Variants in MID1 observed in about 807,000 individuals in gnomAD.
MID1 encodes E3 ubiquitin-protein ligase Midline-1.
A neutral mutation model predicts 40.4 loss-of-function variants in MID1; 7 were observed. That is an observed-to-expected ratio of 0.17 (90% CI 0.10 to 0.33). The LOEUF (loss-of-function observed/expected upper bound fraction) is 0.33, where lower values mean the gene tolerates loss of function less well. MID1 is among the 10% of genes least tolerant of loss of function. The probability of loss-of-function intolerance (pLI) is 1.00; values close to 1 mark genes in which losing one functional copy is unlikely to be tolerated. For missense variants in MID1, 367 were observed against 558.5 expected (o/e 0.66, Z 3.46); for synonymous variants, 229 against 221.2 (o/e 1.04, Z -0.31).
chrX:10,689,431 A>G lies in MID1; in HGVS notation c.-186-69012T>C, dbSNP rs766010494. 4.5e-5 allele frequency among the ~76,000 whole-genome samples: 5 copies of G among 111,412 alleles called. No homozygotes were observed. In the South Asian group the frequency reaches 1.9e-3, roughly 43 times the overall value. ...CAGCACAGGGGAAATCCGCCCCATG[A>G]TCCACCTCACCTCCCATCAGTTCCC... On this transcript the variant is annotated intron_variant, in intron 1 of 10. Coordinates refer to the MID1 transcript ENST00000380785.
chrX:10,680,780 A>T (rs1283756648), intron 1 of MID1, among the ~76,000 whole-genome samples: 2 of 110,672 alleles, frequency 1.8e-5, no homozygotes, highest in Non-Finnish European at 3.8e-5. Context: ...CACGCCTACA[A>T]TCCTAGCACT....
At chrX:10,695,023 T>C (rs141271835) in intron 1 of MID1, among the ~76,000 whole-genome samples, 26 of 112,032 alleles carry the variant, frequency 2.3e-4, no homozygotes, top group African/African-American at 7.8e-4. Context: ...TGCTAAGATA[T>C]AGAGTAGGTA....
At chrX:10,725,692 C>G (rs1336140331) in intron 1 of MID1, among the ~76,000 whole-genome samples, 2 of 111,322 alleles carry the variant, frequency 1.8e-5, no homozygotes, top group Non-Finnish European at 3.8e-5. Context: ...AACCCCGTCT[C>G]TACTGAAAAT....
At position 10,536,589 on chromosome X, in the gene MID1, G is replaced by A. The variant is rs1044523419; in HGVS notation, c.661-13402C>T. Among the ~76,000 whole-genome samples the A allele has an allele frequency of 7.1e-5, 8 of 112,571 alleles. No homozygotes were observed. The Admixed American group carries it at 7.5e-4, about 11-fold the overall frequency. On this transcript the variant is annotated intron_variant, in intron 2 of 9. Coordinates refer to ENST00000317552, the MANE Select transcript of MID1 (RefSeq NM_000381.4). ...GTGAGAGAAAACTGTCCAATACTCAGAAGTGGAAGGAGACTTGCCAGTTAT... is the reference window on the plus strand; with the variant it reads ...GTGAGAGAAAACTGTCCAATACTCAAAAGTGGAAGGAGACTTGCCAGTTAT...
At chrX:10,568,662 C>A (rs909518293) in intron 1 of MID1, among the ~76,000 whole-genome samples, 7 of 110,854 alleles carry the variant, frequency 6.3e-5, no homozygotes, top group Non-Finnish European at 1.3e-4. Context: ...AGCTATGTTG[C>A]TCTCCTCCAG....
rs149356537 is a variant in MID1 at position 10,678,124 on chromosome X, T to A, written c.-186-57705A>T. Among the ~76,000 whole-genome samples, 1,029 of 111,303 alleles carry A rather than the reference T, an allele frequency of 9.2e-3. 6 individuals carry two copies. The highest frequency in any genetic ancestry group is 0.014 in the Non-Finnish European group (720 of 53,120). ...GCACTACTGAACACTAGCTCAATGA[T>A]ACTAATATCTTTGTTATACGCAATT... On this transcript the variant is annotated intron_variant, in intron 1 of 10. Transcript: ENST00000380785.
At chrX:10,545,743 A>C (rs1933655771) in intron 2 of MID1, among the ~76,000 whole-genome samples, 1 of 111,722 alleles carries the variant, frequency 9.0e-6, no homozygotes, top group African/African-American at 3.3e-5. Flanking sequence ...GGAGAAGGAG[A>C]AGGAGCAGGA....
intron 1 of MID1, among the ~76,000 whole-genome samples, chrX:10,710,607 C>A (rs1376602486): frequency 1.8e-5 from 2 of 110,682 alleles, no homozygotes; most frequent in Non-Finnish European, 3.8e-5. Flanking sequence ...AGCCAGGCCA[C>A]TCTTACTTTG....
chrX:10,709,567 T>G (rs1186525884), intron 1 of MID1, among the ~76,000 whole-genome samples: 1 of 112,260 alleles, frequency 8.9e-6, no homozygotes, highest in East Asian at 2.8e-4. Context: ...CTTGAGTGAA[T>G]GCAGCCAGAG....
At chrX:10,458,734 T>G (rs1210714191) in intron 8 of MID1, among the ~76,000 whole-genome samples, 1 of 111,774 alleles carries the variant, frequency 8.9e-6, no homozygotes, top group East Asian at 2.8e-4. Flanking sequence ...TCCTCTAGGA[T>G]CCAACACATT....
intron 1 of MID1, among the ~76,000 whole-genome samples, chrX:10,807,244 CA>C (rs34894470): frequency 0.016 from 1,586 of 98,536 alleles, 10 homozygotes; most frequent in Non-Finnish European, 0.021. Flanking sequence ...GGCTCTGTTT[CA>C]AAAAAAAAAA....
In MID1 at chrX:10,718,236, C is replaced by CA. The variant is rs756850267; in HGVS notation, c.-186-97818dup. On this transcript the variant is annotated intron_variant, in intron 1 of 10. Coordinates refer to the MID1 transcript ENST00000380785. ...AGAAATGGAGACACAAAAAGCCCTT[C>CA]AAAAAATCAATGAAGCCAGGAGCTG... Among the ~76,000 whole-genome samples, 4 of 111,383 alleles carry CA rather than the reference C, an allele frequency of 3.6e-5. No individual in the cohort carries two copies. In the South Asian group the frequency reaches 1.5e-3, roughly 42 times the overall value.
intron 1 of MID1, among the ~76,000 whole-genome samples, chrX:10,569,474 G>A (rs1934663544): frequency 8.9e-6 from 1 of 112,128 alleles, no homozygotes; most frequent in Non-Finnish European, 1.9e-5. Context: ...CAGAAGAAAT[G>A]GAAAGGTTTT....
rs191669486 is a variant in MID1, at chrX:10,645,893, G to A, written c.-186-25474C>T. 4.5e-5 allele frequency among the ~76,000 whole-genome samples: 5 copies of A among 111,563 alleles called. No individual in the cohort carries two copies. The East Asian group carries it at 1.1e-3, about 25-fold the overall frequency. On this transcript the variant is annotated intron_variant, in intron 1 of 10. Transcript: ENST00000380785. ...ATGTACAGGGAGTTGACTTTCATGG[G>A]GCCACCCAAGATGGATGGGCCACAG...
At chrX:10,735,707 T>G (rs1274530638) in intron 1 of MID1, among the ~76,000 whole-genome samples, 1 of 111,521 alleles carries the variant, frequency 9.0e-6, no homozygotes, top group Non-Finnish European at 1.9e-5. Context: ...TTATTTATTT[T>G]GAGACAGGGT....
At chrX:10,689,572 C>T (rs2043119944) in intron 1 of MID1, among the ~76,000 whole-genome samples, 1 of 111,677 alleles carries the variant, frequency 9.0e-6, no homozygotes, top group South Asian at 3.8e-4. Context: ...TCTATACCTA[C>T]ACCAAAACTT....
chrX:10,799,323 GT>G (rs1258146911), intron 1 of MID1, among the ~76,000 whole-genome samples: 1 of 111,716 alleles, frequency 9.0e-6, no homozygotes, highest in East Asian at 2.8e-4. Flanking sequence ...CTCAAAAATT[GT>G]TTTAAAGGAA....
At chrX:10,702,577 T>C (rs566433245) in intron 1 of MID1, among the ~76,000 whole-genome samples, 1 of 112,587 alleles carries the variant, frequency 8.9e-6, no homozygotes, top group Non-Finnish European at 1.9e-5. Flanking sequence ...TATGAGCAAG[T>C]TGAATAAATA....
At chrX:10,780,930 A>G (rs1040550406) in intron 1 of MID1, among the ~76,000 whole-genome samples, 12 of 111,691 alleles carry the variant, frequency 1.1e-4, no homozygotes, top group East Asian at 5.7e-4. Flanking sequence ...TGAGAATCCA[A>G]TGCTGCAGCT....
Sources: gnomAD v4.1 joint callset for allele counts (sites outside exome capture counted in the v4.1 genomes callset) on GRCh38, gnomAD v4.1.1 for gene constraint, MANE v1.5 for transcripts, NCBI Gene and HGNC (gene_info 2026-07-23, HGNC 2026-07-21) for gene names.